SGCD: variants seen among roughly 807,000 people sequenced by gnomAD.
SGCD encodes sarcoglycan delta.
In SGCD, 18 loss-of-function variants were observed where a neutral mutation model predicts 36.6. The ratio of observed to expected loss-of-function variants is 0.49; its 90% confidence interval spans 0.34 to 0.73. The LOEUF is 0.73. Ranked by LOEUF, SGCD falls within the 30% of genes least tolerant of loss-of-function variation. The pLI, the probability that SGCD is intolerant of heterozygous loss-of-function variation, is 0.01. For missense variants in SGCD, 387 were observed against 346.7 expected (o/e 1.12, Z -0.92); for synonymous variants, 133 against 130.6 (o/e 1.02, Z -0.12).
chr5:156,594,824 T>A, intron 5 of SGCD, 108 bp from the exon 6 acceptor site: 1 of 703,512 alleles, frequency 1.4e-6, no homozygotes, highest in South Asian at 1.8e-5. Context: ...GTTAGATATG[T>A]GTGTTCTATG....
chr5:156,152,229 G>C (rs1289258637), intron 3 of SGCD, among the ~76,000 whole-genome samples: 1 of 151,176 alleles, frequency 6.6e-6, no homozygotes, highest in Non-Finnish European at 1.5e-5. Context: ...TCCTCGATTT[G>C]TTTCTTTGAC....
chr5:156,625,524 A>T (rs554222696), intron 6 of SGCD, among the ~76,000 whole-genome samples: 1 of 152,186 alleles, frequency 6.6e-6, no homozygotes, highest in African/African-American at 2.4e-5. Flanking sequence ...ATTATTATAG[A>T]TTATTTTCTA....
At chr5:155,875,600 A>G (rs1056018622) in intron 1 of SGCD, among the ~76,000 whole-genome samples, 2 of 150,898 alleles carry the variant, frequency 1.3e-5, no homozygotes, top group Admixed American at 1.3e-4. Context: ...AGGCATTTCA[A>G]TTTATTATTT....
At chr5:155,840,778 G>T in the SGCD span, among the ~76,000 whole-genome samples, 1 of 151,484 alleles carries the variant, frequency 6.6e-6, no homozygotes, top group Admixed American at 6.6e-5. Context: ...TAGGGAGGCC[G>T]AGGCAGGCAG....
chr5:156,238,779 G>A (rs1341768758), intron 3 of SGCD, among the ~76,000 whole-genome samples: 3 of 152,118 alleles, frequency 2.0e-5, no homozygotes, highest in Non-Finnish European at 4.4e-5. Flanking sequence ...ACTGTGGTTT[G>A]ACTGTGCATG....
At chr5:156,505,768 G>GTA (rs1443517120) in intron 3 of SGCD, among the ~76,000 whole-genome samples, 1 of 130,368 alleles carries the variant, frequency 7.7e-6, no homozygotes, top group Non-Finnish European at 1.7e-5. Context: ...TAGTGTGTGT[G>GTA]TATATACACC....
intron 3 of SGCD, among the ~76,000 whole-genome samples, chr5:156,286,342 A>G (rs1766595989): frequency 6.6e-6 from 1 of 152,238 alleles, no homozygotes; most frequent in African/African-American, 2.4e-5. Flanking sequence ...CCAAAGGATT[A>G]TAAATCATGC....
At chr5:155,800,583 T>A in the SGCD span, among the ~76,000 whole-genome samples, 2 of 56,506 alleles carry the variant, frequency 3.5e-5, no homozygotes, top group Admixed American at 2.3e-4. Flanking sequence ...TGAATGCTTA[T>A]AACATTTTTT....
chr5:156,582,005 A>T (rs548709702), intron 4 of SGCD, among the ~76,000 whole-genome samples: 1 of 152,138 alleles, frequency 6.6e-6, no homozygotes, highest in African/African-American at 2.4e-5. Flanking sequence ...TTCTGCATCA[A>T]TCATGCTGGG....
intron 3 of SGCD, among the ~76,000 whole-genome samples, chr5:156,463,382 A>G (rs1479348714): frequency 6.6e-6 from 1 of 152,116 alleles, no homozygotes; most frequent in African/African-American, 2.4e-5. Flanking sequence ...TTTCCCAAAG[A>G]AATCCCTTTT....
chr5:155,869,700 G>T (rs1014059996), upstream of SGCD, among the ~76,000 whole-genome samples: 2 of 151,610 alleles, frequency 1.3e-5, no homozygotes, highest in Non-Finnish European at 2.9e-5. Flanking sequence ...GTACAAAAGA[G>T]ATATGAAACT....
chr5:156,138,983 T>A (rs976045113), intron 3 of SGCD, among the ~76,000 whole-genome samples: 1 of 152,244 alleles, frequency 6.6e-6, no homozygotes, highest in Non-Finnish European at 1.5e-5. Context: ...ATATCTGTTG[T>A]GAAAAGTCTA....
At chr5:156,652,517 C>T (rs572910801) in intron 7 of SGCD, among the ~76,000 whole-genome samples, 4 of 150,594 alleles carry the variant, frequency 2.7e-5, no homozygotes, top group African/African-American at 7.4e-5. Flanking sequence ...CATACACACA[C>T]ACATACACAG....
At chr5:156,415,610 A>G (rs920423659) in intron 3 of SGCD, among the ~76,000 whole-genome samples, 2 of 152,186 alleles carry the variant, frequency 1.3e-5, no homozygotes, top group Admixed American at 6.5e-5. Flanking sequence ...TTTAGATTCA[A>G]TATCCAGGTG....
chr5:156,217,376 CA>C (rs1377946479), intron 3 of SGCD, among the ~76,000 whole-genome samples: 2 of 152,140 alleles, frequency 1.3e-5, no homozygotes, highest in African/African-American at 2.4e-5. Context: ...CTAAGAATTA[CA>C]TTATTATCAT....
intron 3 of SGCD, among the ~76,000 whole-genome samples, chr5:156,439,508 T>G (rs1188352605): frequency 6.6e-6 from 1 of 152,106 alleles, no homozygotes; most frequent in Non-Finnish European, 1.5e-5. Flanking sequence ...TGTTTAAATC[T>G]TTTTGCATAA....
intron 4 of SGCD, among the ~76,000 whole-genome samples, chr5:156,528,917 A>G (rs1757759990): frequency 6.6e-6 from 1 of 152,172 alleles, no homozygotes; most frequent in Non-Finnish European, 1.5e-5. Flanking sequence ...TTTCAAGAAC[A>G]TCCCAGCTGT....
chr5:156,083,699 A>C (rs1047119904), intron 1 of SGCD, among the ~76,000 whole-genome samples: 1 of 151,268 alleles, frequency 6.6e-6, no homozygotes, highest in Admixed American at 6.6e-5. Context: ...TTTCCTAAAA[A>C]TTTTACAGTT....
chr5:156,322,694 A>G (rs185259153), upstream of SGCD, among the ~76,000 whole-genome samples: 868 of 152,344 alleles, frequency 5.7e-3, 10 homozygotes, highest in Middle Eastern at 0.017. Flanking sequence ...TCTGTCCAGA[A>G]GGTGAGAACA....
Sources: gnomAD v4.1 joint callset for allele counts (sites outside exome capture counted in the v4.1 genomes callset) on GRCh38, gnomAD v4.1.1 for gene constraint, MANE v1.5 for transcripts, NCBI Gene and HGNC (gene_info 2026-07-23, HGNC 2026-07-21) for gene names.